The following VSIG10 variants were observed in gnomAD, a reference collection of about 807,000 sequenced individuals.
The protein encoded by VSIG10 is V-set and immunoglobulin domain-containing protein 10.
Under a neutral mutation model 58.7 loss-of-function variants are expected in VSIG10, and 48 were observed. The ratio of observed to expected loss-of-function variants is 0.82; its 90% CI spans 0.65 to 1.04. VSIG10 has a LOEUF of 1.04. VSIG10 is among the 50% of genes least tolerant of loss of function. The pLI, the probability that VSIG10 is intolerant of heterozygous loss-of-function variation, is 0.00. For missense variants in VSIG10, 628 were observed against 670.0 expected, an observed-to-expected ratio of 0.94 and a Z score of 0.69; for synonymous variants, 260 against 267.1, an observed-to-expected ratio of 0.97 and a Z score of 0.26.
rs192389090 is a variant in VSIG10 at position 118,093,286 on chromosome 12, G to A, written c.361+2247C>T. Among the ~76,000 whole-genome samples, 409 of 151,052 alleles carry A rather than the reference G, an allele frequency of 2.7e-3. 3 individuals are homozygous for A. The highest frequency in any genetic ancestry group is 3.9e-3 in the Non-Finnish European group (263 of 67,854). On this transcript the variant is annotated intron_variant, in intron 2 of 8. Transcript: ENST00000359236. ...TGCACTCCAGCCTAGGCGACAGAGT[G>A]AGACTCCATCTCAAAAAAAAAAAAA...
At chr12:118,091,831 C>T (rs1028825007) in intron 2 of VSIG10, among the ~76,000 whole-genome samples, 1 of 152,054 alleles carries the variant, frequency 6.6e-6, no homozygotes, top group African/African-American at 2.4e-5. Context: ...AATCTCAGCT[C>T]GCTGCAACCT....
At chr12:118,092,580 A>G (rs150450516) in intron 2 of VSIG10, among the ~76,000 whole-genome samples, 168 of 152,288 alleles carry the variant, frequency 1.1e-3, no homozygotes, top group African/African-American at 3.3e-3. Context: ...CTATATTCCA[A>G]TAAAACTTTA....
intron 2 of VSIG10, among the ~76,000 whole-genome samples, chr12:118,089,804 G>A (rs991024760): frequency 2.0e-5 from 3 of 152,078 alleles, no homozygotes; most frequent in Admixed American, 2.0e-4. Flanking sequence ...AGTCCTGCTG[G>A]TCTCCTTCCA....
At chr12:118,087,190 C>G (rs2137917839) in intron 2 of VSIG10, among the ~76,000 whole-genome samples, 1 of 152,150 alleles carries the variant, frequency 6.6e-6, no homozygotes, top group Non-Finnish European at 1.5e-5. Flanking sequence ...TGGCAAGACC[C>G]TTCAACTTCA....
chr12:118,069,292 G>A (rs1160138375), intron 7 of VSIG10, among the ~76,000 whole-genome samples: 1 of 151,742 alleles, frequency 6.6e-6, no homozygotes, highest in Non-Finnish European at 1.5e-5. Flanking sequence ...GTTTCAACAT[G>A]TTGGCCAGGC....
rs35019751 is a variant in VSIG10 at position 118,066,245 on chromosome 12, CAAAAAAAAAAAAAAAA to C, written c.*378_*393del. On this transcript the variant is annotated 3_prime_UTR_variant, in exon 9 of 9. Transcript: ENST00000359236. ...TGGGCAATAGAGGGAGACTCCGTCT[CAAAAAAAAAAAAAAAA>C]AAAAAAAAAAGCGGCAAAAGGCACC... 2 of 40,000 alleles carry C rather than the reference CAAAAAAAAAAAAAAAA, an allele frequency of 5.0e-5. No individual in the cohort carries two copies. The highest frequency in any genetic ancestry group is 1.2e-3 in the East Asian group (1 of 832). The allele number at this position is 40,000 out of a possible 1,614,324, so 2.5% of individuals were successfully genotyped here.
chr12:118,091,716 C>T (rs1005573761), intron 2 of VSIG10, among the ~76,000 whole-genome samples: 1 of 152,158 alleles, frequency 6.6e-6, no homozygotes, highest in East Asian at 1.9e-4. Context: ...GGATCCAGAA[C>T]AGTGATCACA....
rs1592893751 is a variant in VSIG10 at position 118,095,670 on chromosome 12, G to A, written c.224C>T (p.Pro75Leu). ...FLLSSNSSLR[P>L]AEPRFSLVDA... is the part of the protein sequence containing the mutation. Reference sequence around the variant, plus strand: ...CACTAGAGAGAAGCGAGGCTCAGCTGGCCGGAGGCTAGAGTTGGACGAGAG... The same window carrying A: ...CACTAGAGAGAAGCGAGGCTCAGCTAGCCGGAGGCTAGAGTTGGACGAGAG... Residue 75 changes from proline to leucine, a missense_variant, in exon 2 of 9, where the codon CCA (proline) becomes CTA (leucine). By Grantham distance (98) the Pro-to-Leu change is moderately conservative (BLOSUM62 -3). Transcript: ENST00000359236. 6.2e-7 allele frequency: 1 copy of A among 1,613,918 alleles called. No homozygotes were observed. Among genetic ancestry groups the A allele is most frequent in the Non-Finnish European group, 8.5e-7 (1 of 1,179,872 alleles).
chr12:118,075,237 T>C (rs1208288856), intron 4 of VSIG10, among the ~76,000 whole-genome samples: 5 of 151,556 alleles, frequency 3.3e-5, no homozygotes, highest in African/African-American at 1.2e-4. Context: ...TATATATATA[T>C]AGGGTTCAGT....
chr12:118,083,105 T>C, intron 2 of VSIG10, among the ~76,000 whole-genome samples: 1 of 89,122 alleles, frequency 1.1e-5, no homozygotes, highest in African/African-American at 4.6e-5. Context: ...ACAGCAAGTC[T>C]CCGTCTCACA....
chr12:118,097,272 CAG>C (rs2033488700), intron 1 of VSIG10, among the ~76,000 whole-genome samples: 1 of 152,144 alleles, frequency 6.6e-6, no homozygotes, highest in African/African-American at 2.4e-5. Context: ...GTGACACAAG[CAG>C]AGTCTTTAAA....
At chr12:118,076,215 T>C (rs1169690779) in intron 4 of VSIG10, among the ~76,000 whole-genome samples, 1 of 152,176 alleles carries the variant, frequency 6.6e-6, no homozygotes, top group Admixed American at 6.6e-5. Flanking sequence ...AAGGTTAACA[T>C]CAAGATGTTG....
At position 118,071,053 on chromosome 12, in the gene VSIG10, TG is replaced by T; in HGVS notation, c.1344del (p.Arg449GlyfsTer30). Reference protein sequence around the residue: ...PVFCWKVGNTSRGQNMDDVMV... With the variant: ...PVFCWKVGNTXRGQNMDDVMV... ...GGTTTGATTCTAGGGAACACTCACC[TG>T]GAAGTGTTTCCTACTGAAGAGAGAA... On this transcript the variant is annotated frameshift_variant and splice_region_variant, in exon 7 of 9. Transcript: ENST00000359236. LOFTEE classifies it high-confidence loss of function. The T allele has an allele frequency of 1.9e-6, 3 of 1,601,214 alleles. No homozygotes were observed. Among genetic ancestry groups the T allele is most frequent in the Non-Finnish European group, 1.7e-6 (2 of 1,173,522 alleles).
chr12:118,071,013 C>T lies in VSIG10; in HGVS notation c.1346+39G>A, dbSNP rs374088167. On this transcript the variant is annotated intron_variant, in intron 7 of 8. Transcript: ENST00000359236. ...AACAAAACAGAAGTGAAGACAGATGCGGGAATGGGTGTTTGGTTTGATTCT... is the reference window on the plus strand; with the variant it reads ...AACAAAACAGAAGTGAAGACAGATGTGGGAATGGGTGTTTGGTTTGATTCT... The T allele has an allele frequency of 2.1e-5, 33 of 1,595,572 alleles. No individual in the cohort carries two copies. In the East Asian group the frequency reaches 3.4e-4, roughly 16 times the overall value.
At position 118,068,519 on chromosome 12, in the gene VSIG10, A is replaced by ATCT; in HGVS notation, c.1422_1424dup (p.Glu474dup). The ATCT allele has an allele frequency of 1.2e-6, 2 of 1,600,826 alleles. No homozygotes were observed. The highest frequency in any genetic ancestry group is 1.7e-6 in the Non-Finnish European group (2 of 1,176,696). On this transcript the variant is annotated inframe_insertion, in exon 8 of 9. Transcript: ENST00000359236. The stretch of plus-strand genomic sequence containing the variant: ...CTCCCTCCTGTTCCCCTACTGCAGC[A>ATCT]TCTTCCTCCTCCTCCTCCTCCTCCT...
At chr12:118,071,320 AG>A in intron 6 of VSIG10, 38 bp downstream of exon 6, 1 of 1,586,140 alleles carries the variant, frequency 6.3e-7, no homozygotes, top group African/African-American at 1.4e-5. Context: ...CCTTTTCAAA[AG>A]TCTGGAAGAG....
intron 1 of VSIG10, chr12:118,102,920 A>G (rs1024291054): frequency 2.6e-5 from 4 of 152,332 alleles, no homozygotes; most frequent in Non-Finnish European, 4.4e-5. Context: ...TACATTCTAC[A>G]TATTTTTGTA....
At chr12:118,074,364 G>T (rs1191246454) in intron 4 of VSIG10, among the ~76,000 whole-genome samples, 1 of 152,042 alleles carries the variant, frequency 6.6e-6, no homozygotes, top group East Asian at 1.9e-4. Flanking sequence ...GATTACAGGC[G>T]TGAGCCACCG....
intron 2 of VSIG10, among the ~76,000 whole-genome samples, chr12:118,093,513 G>A (rs2033359277): frequency 6.6e-6 from 1 of 151,994 alleles, no homozygotes; most frequent in Non-Finnish European, 1.5e-5. Flanking sequence ...CCGGCCTGCT[G>A]TAAATCCATA....
Sources: gnomAD v4.1 joint callset for allele counts (sites outside exome capture counted in the v4.1 genomes callset) on GRCh38, gnomAD v4.1.1 for gene constraint, MANE v1.5 for transcripts, NCBI Gene and HGNC (gene_info 2026-07-23, HGNC 2026-07-21) for gene names.